The following ARSD variants were observed in gnomAD, a reference collection of about 807,000 sequenced individuals.
ARSD encodes the protein testis tissue sperm-binding protein Li 39a.
Under a neutral mutation model 32.6 loss-of-function variants are expected in ARSD, and 21 were observed. The observed-to-expected ratio is 0.64, with a 90% CI of 0.46 to 0.93. ARSD has a LOEUF of 0.93. Ranked by LOEUF, ARSD falls within the 40% of genes least tolerant of loss-of-function variation. The pLI, the probability that ARSD is intolerant of heterozygous loss-of-function variation, is 0.00. For missense variants in ARSD, 454 were observed against 520.9 expected (o/e 0.87, Z 1.25); for synonymous variants, 224 against 237.4 (o/e 0.94, Z 0.52).
At chrX:2,928,834 G>C (rs1288364584) in intron 1 of ARSD, among the ~76,000 whole-genome samples, 1 of 111,973 alleles carries the variant, frequency 8.9e-6, no homozygotes, top group Non-Finnish European at 1.9e-5. Flanking sequence ...GCCGAATCCG[G>C]GCAGCGGTGT....
At chrX:2,918,566 C>T (rs1184680789) in intron 4 of ARSD, among the ~76,000 whole-genome samples, 1 of 110,329 alleles carries the variant, frequency 9.1e-6, no homozygotes, top group Admixed American at 9.7e-5. Context: ...CTGGCTAACA[C>T]GGTGAAACCC....
rs1305842100 is a variant in ARSD, at chrX:2,905,175, A to T, written c.*2096T>A. The T allele has an allele frequency of 1.2e-4, 36 of 291,288 alleles. No individual in the cohort carries two copies. In the Admixed American group the frequency reaches 1.3e-3, roughly 10 times the overall value. The allele number at this position is 291,288 out of a possible 1,213,427, so 24.0% of individuals were successfully genotyped here. On this transcript the variant is annotated 3_prime_UTR_variant, in exon 10 of 10. Transcript: ENST00000381154. Reference sequence around the variant, plus strand: ...TCAGTGCTGTTGCCTCTTCCTCTGGATCTTGGAAGCTTCCATGCTGAGGTC... The same window carrying T: ...TCAGTGCTGTTGCCTCTTCCTCTGGTTCTTGGAAGCTTCCATGCTGAGGTC...
chrX:2,922,818 A>G lies in ARSD; in HGVS notation c.195-794T>C, dbSNP rs2089041189. Among the ~76,000 whole-genome samples the G allele has an allele frequency of 2.3e-5, 2 of 86,107 alleles. 1 individual carries two copies. Among genetic ancestry groups the G allele is most frequent in the Admixed American group, 3.1e-4 (2 of 6,354 alleles). The allele number at this position is 86,107 out of a possible 115,157, so 74.8% of individuals were successfully genotyped here. The stretch of plus-strand genomic sequence containing the variant: ...GCACCACTGCACTCCAGCCTGGGTG[A>G]AAGAACAGAGTGAGACCGTGTCTCA... On this transcript the variant is annotated intron_variant, in intron 2 of 9. Coordinates refer to ENST00000381154, the MANE Select transcript of ARSD (RefSeq NM_001669.4).
At chrX:2,918,672 G>T (rs1240951346) in intron 4 of ARSD, among the ~76,000 whole-genome samples, 1 of 111,182 alleles carries the variant, frequency 9.0e-6, no homozygotes, top group South Asian at 3.8e-4. Flanking sequence ...CCTGGGAGGC[G>T]GAGCTTACAG....
At chrX:2,908,671 C>T in intron 9 of ARSD, 50 bp downstream of exon 9, 1 of 1,140,432 alleles carries the variant, frequency 8.8e-7, no homozygotes, top group Non-Finnish European at 1.2e-6. Flanking sequence ...TCCACACATC[C>T]TATTGGCTGT....
rs1462067229 is a variant in ARSD, at chrX:2,905,060, C to A, written c.*2211G>T. ...TCAGGTTGAGTTCAGCCAACAGATG[C>A]CCCTGTAGGATTTGGACACAGGGAG... On this transcript the variant is annotated 3_prime_UTR_variant, in exon 10 of 10. Coordinates refer to ENST00000381154, the MANE Select transcript of ARSD (RefSeq NM_001669.4). 1 of 341,518 alleles carries A rather than the reference C, an allele frequency of 2.9e-6. No individual in the cohort carries two copies. Among genetic ancestry groups the A allele is most frequent in the Non-Finnish European group, 5.9e-6 (1 of 170,007 alleles). The allele number at this position is 341,518 out of a possible 1,213,427, so 28.1% of individuals were successfully genotyped here.
chrX:2,911,532 T>C (rs1212396036), intron 6 of ARSD, among the ~76,000 whole-genome samples: 2 of 98,562 alleles, frequency 2.0e-5, no homozygotes, highest in African/African-American at 7.6e-5. Context: ...TAGCCAGGCA[T>C]GGTGGCGGGA....
At chrX:2,923,319 C>A (rs1488569763) in intron 2 of ARSD, 1 of 217,310 alleles carries the variant, frequency 4.6e-6, no homozygotes, top group Non-Finnish European at 9.0e-6. Context: ...ACAAAAAATA[C>A]AAAAATTAGC....
intron 4 of ARSD, among the ~76,000 whole-genome samples, chrX:2,918,771 T>A (rs780802769): frequency 1.9e-5 from 2 of 107,522 alleles, no homozygotes; most frequent in East Asian, 5.9e-4. Context: ...AAGTAAAAAT[T>A]AAAAAAAGTG....
intron 2 of ARSD, chrX:2,923,242 G>A (rs1383516271): frequency 8.0e-6 from 2 of 248,533 alleles, no homozygotes; most frequent in African/African-American, 5.8e-5. Flanking sequence ...GGGGGGCTAA[G>A]GTGGGTGGAT....
rs1404983414 is a variant in ARSD, at chrX:2,929,282, G to T, written c.-7C>A. ...TCCGCGCGGCGGATCGCATGGCCGA[G>T]CGCTGGCCCAGAGCGCAGGACCTTG... On this transcript the variant is annotated 5_prime_UTR_variant, in exon 1 of 10. Transcript: ENST00000381154. 1.0e-6 allele frequency: 1 copy of T among 1,004,806 alleles called. No individual in the cohort carries two copies. Among genetic ancestry groups the T allele is most frequent in the Non-Finnish European group, 1.3e-6 (1 of 799,100 alleles). The allele number at this position is 1,004,806 out of a possible 1,213,427, so 82.8% of individuals were successfully genotyped here.
chrX:2,926,192 C>A (rs1191356432), intron 1 of ARSD, among the ~76,000 whole-genome samples: 1 of 111,658 alleles, frequency 9.0e-6, no homozygotes, highest in Non-Finnish European at 1.9e-5. Flanking sequence ...TCCTGAAGAC[C>A]TTCCTCTGGA....
intron 7 of ARSD, among the ~76,000 whole-genome samples, chrX:2,910,300 A>C (rs760561589): frequency 3.8e-4 from 35 of 92,974 alleles, no homozygotes; most frequent in African/African-American, 1.4e-3. Context: ...ACTATCAATA[A>C]TTTTTAAAAT....
Position 2,913,908 on chromosome X carries a change from G to C in ARSD, c.1000+1648C>G, listed in dbSNP as rs149549620. 1,791 of 310,706 alleles carry C rather than the reference G, an allele frequency of 5.8e-3. 30 individuals carry two copies. Among genetic ancestry groups the C allele is most frequent in the African/African-American group, 0.048 (1,633 of 34,010 alleles). The allele number at this position is 310,706 out of a possible 1,213,427, so 25.6% of individuals were successfully genotyped here. On this transcript the variant is annotated intron_variant, in intron 6 of 9. Coordinates refer to ENST00000381154, the MANE Select transcript of ARSD (RefSeq NM_001669.4). The stretch of plus-strand genomic sequence containing the variant: ...AGGGAGTAGCTTCTCACGAGATCTG[G>C]TTGTTTAAAAGTGTGCGGCTCTTCC...
At position 2,918,169 on chromosome X, in the gene ARSD, C is replaced by A; in HGVS notation, c.498G>T (p.Leu166=). ...ASRGDHCHHP[L]NHGFDYFYGM... is the part of the protein sequence containing the mutation. ...CGTAGAAATAGTCAAATCCGTGGTTCAGGGGGTGGTGGCAGTGATCCCCGC... is the reference window on the plus strand; with the variant it reads ...CGTAGAAATAGTCAAATCCGTGGTTAAGGGGGTGGTGGCAGTGATCCCCGC... The change falls in exon 5 of 10, where the codon CTG becomes CTT. Residue 166 remains leucine, a synonymous_variant. Coordinates refer to ENST00000381154, the MANE Select transcript of ARSD (RefSeq NM_001669.4). 1 of 1,194,687 alleles carries A rather than the reference C, an allele frequency of 8.4e-7. No individual in the cohort carries two copies. The highest frequency in any genetic ancestry group is 1.1e-6 in the Non-Finnish European group (1 of 884,958).
At chrX:2,928,624 G>C (rs5939401) in intron 1 of ARSD, among the ~76,000 whole-genome samples, 43,478 of 93,821 alleles carry the variant, frequency 0.46, 8,859 homozygotes, top group Middle Eastern at 0.53. Context: ...GGGACAGGGA[G>C]CGTCTTAGTG....
chrX:2,913,012 T>G (rs764645325), intron 6 of ARSD, among the ~76,000 whole-genome samples: 3 of 112,154 alleles, frequency 2.7e-5, no homozygotes, highest in Admixed American at 9.5e-5. Context: ...TTGCCAAGGT[T>G]AAGAATGACA....
chrX:2,907,911 C>T, intron 9 of ARSD: 1 of 912,128 alleles, frequency 1.1e-6, no homozygotes, highest in Non-Finnish European at 1.4e-6. Flanking sequence ...TTTCAGAAAT[C>T]AGAATCATAG....
At chrX:2,922,882 AAAAGAAAG>A (rs367780183) in intron 2 of ARSD, among the ~76,000 whole-genome samples, 21 of 101,228 alleles carry the variant, frequency 2.1e-4, no homozygotes, top group East Asian at 5.9e-4. Context: ...GAAAGAAAAG[AAAAGAAAG>A]AAAGAAAGAA....
Sources: gnomAD v4.1 joint callset for allele counts (sites outside exome capture counted in the v4.1 genomes callset) on GRCh38, gnomAD v4.1.1 for gene constraint, MANE v1.5 for transcripts, NCBI Gene and HGNC (gene_info 2026-07-23, HGNC 2026-07-21) for gene names.